Variants in PCDH19 observed in about 807,000 individuals in gnomAD.
PCDH19 encodes protocadherin-19.
In PCDH19, 6 loss-of-function variants were observed where a neutral mutation model predicts 46.2. The observed-to-expected ratio is 0.13, with a 90% CI of 0.07 to 0.26. PCDH19 has a LOEUF of 0.26. PCDH19 is among the 10% of genes least tolerant of loss of function. The pLI is 1.00. For synonymous variants in PCDH19, 481 were observed against 415.7 expected, an observed-to-expected ratio of 1.16 and a Z score of -1.91; for missense variants, 740 against 972.3, an observed-to-expected ratio of 0.76 and a Z score of 3.18.
chrX:100,314,708 C>T (rs1925241599), intron 5 of PCDH19, among the ~76,000 whole-genome samples: 1 of 111,598 alleles, frequency 9.0e-6, no homozygotes, highest in African/African-American at 3.3e-5. Flanking sequence ...CCATGAACTG[C>T]AGGTTGTCAG....
chrX:100,358,340 A>C (rs932860312), intron 3 of PCDH19, among the ~76,000 whole-genome samples: 2 of 112,081 alleles, frequency 1.8e-5, no homozygotes, highest in Admixed American at 1.9e-4. Flanking sequence ...CAGGACTATC[A>C]ATGAGAAACA....
intron 5 of PCDH19, among the ~76,000 whole-genome samples, chrX:100,335,942 C>A (rs1454773861): frequency 1.8e-5 from 2 of 111,999 alleles, no homozygotes; most frequent in Non-Finnish European, 3.8e-5. Context: ...AGGATGAAGA[C>A]ATTTTTTAAA....
At chrX:100,313,511 C>A (rs1381025114) in intron 5 of PCDH19, among the ~76,000 whole-genome samples, 1 of 111,844 alleles carries the variant, frequency 8.9e-6, no homozygotes, top group Non-Finnish European at 1.9e-5. Context: ...AAGAAAAAGC[C>A]TTCTTTGGCT....
intron 4 of PCDH19, among the ~76,000 whole-genome samples, chrX:100,349,415 C>T (rs5967121): frequency 4.5e-5 from 5 of 111,916 alleles, no homozygotes; most frequent in African/African-American, 1.6e-4. Flanking sequence ...AATACAAGGG[C>T]TACCCATTTT....
rs138336577 is a variant in PCDH19, at chrX:100,335,146, T to A, written c.2848+6757A>T. Among the ~76,000 whole-genome samples the A allele has an allele frequency of 1.1e-3, 120 of 111,278 alleles. 1 individual carries two copies. The East Asian group carries it at 0.026, about 24-fold the overall frequency. ...TTATTTTTCCAATAAAATGTAAATG[T>A]TGCCTTGGAAAAAATCCAATTATGT... is the stretch of plus-strand genomic sequence containing the variant. On this transcript the variant is annotated intron_variant, in intron 5 of 5. Transcript: ENST00000373034.
chrX:100,385,087 A>G (rs1232873184), intron 3 of PCDH19, among the ~76,000 whole-genome samples: 3 of 105,620 alleles, frequency 2.8e-5, no homozygotes, highest in African/African-American at 1.0e-4. Flanking sequence ...TGAACCTGGA[A>G]GGTGGAGGTT....
At chrX:100,371,512 G>A (rs1450004281) in intron 3 of PCDH19, among the ~76,000 whole-genome samples, 1 of 111,041 alleles carries the variant, frequency 9.0e-6, no homozygotes, top group Non-Finnish European at 1.9e-5. Context: ...TGCTTTGCTG[G>A]AGAAGAAAGT....
chrX:100,330,450 C>G (rs1308439606), intron 5 of PCDH19, among the ~76,000 whole-genome samples: 2 of 112,310 alleles, frequency 1.8e-5, no homozygotes, highest in African/African-American at 3.2e-5. Flanking sequence ...ATATCTCTGG[C>G]ATTGGACTTG....
intron 3 of PCDH19, among the ~76,000 whole-genome samples, chrX:100,381,735 C>T (rs1394138129): frequency 8.9e-6 from 1 of 112,077 alleles, no homozygotes; most frequent in African/African-American, 3.2e-5. Context: ...AACTGTCCAC[C>T]TGAAATGAAT....
At chrX:100,308,602 A>C (rs1360463940) in intron 5 of PCDH19, among the ~76,000 whole-genome samples, 2 of 111,621 alleles carry the variant, frequency 1.8e-5, no homozygotes, top group African/African-American at 6.5e-5. Flanking sequence ...ACCCACAGAG[A>C]GGGAGAAAAT....
At chrX:100,395,388 T>G (rs1928000434) in intron 3 of PCDH19, among the ~76,000 whole-genome samples, 1 of 112,250 alleles carries the variant, frequency 8.9e-6, no homozygotes, top group Non-Finnish European at 1.9e-5. Context: ...GCTGACCAGC[T>G]TTTCAGGAAC....
Position 100,406,813 on chromosome X carries a change from G to A in PCDH19, c.1785C>T (p.Tyr595=), listed in dbSNP as rs1278062790. The A allele has an allele frequency of 2.5e-6, 3 of 1,211,692 alleles. No individual in the cohort carries two copies. Among genetic ancestry groups the A allele is most frequent in the Non-Finnish European group, 3.4e-6 (3 of 895,450 alleles). ...YLVTVVKAED[Y]DEGENGRVTY... Reference sequence around the variant, plus strand: ...TGACTCGGCCATTTTCGCCCTCATCGTAGTCTTCTGCCTTGACAACAGTCA... The same window carrying A: ...TGACTCGGCCATTTTCGCCCTCATCATAGTCTTCTGCCTTGACAACAGTCA... The change falls in exon 1 of 6, where the codon TAC becomes TAT. Residue 595 remains tyrosine (Y), a synonymous_variant. Transcript: ENST00000373034.
At position 100,296,423 on chromosome X, in the gene PCDH19, C is replaced by T. The variant is rs752600623; in HGVS notation, c.3301G>A (p.Val1101Ile). Residue 1101 changes from valine to isoleucine, a missense_variant, in exon 6 of 6, where the codon GTC (valine) becomes ATC (isoleucine). Physicochemically the swap from Val to Ile is conservative, Grantham distance 29. Coordinates refer to ENST00000373034, the MANE Select transcript of PCDH19 (RefSeq NM_001184880.2). ...ARDLEQYVNN[V>I]NNGPTRPSEA... is the part of the protein sequence containing the mutation. ...GAGGGACGAGTAGGGCCATTGTTGA[C>T]ATTGTTGACATACTGCTCCAGATCA... The T allele has an allele frequency of 8.3e-7, 1 of 1,211,290 alleles. No homozygotes were observed. Among genetic ancestry groups the T allele is most frequent in the Non-Finnish European group, 1.1e-6 (1 of 895,291 alleles).
rs1190959408 is a variant in PCDH19 at position 100,407,314 on chromosome X, G to A, written c.1284C>T (p.Gly428=). 2 of 1,210,595 alleles carry A rather than the reference G, an allele frequency of 1.7e-6. No individual in the cohort carries two copies. Among genetic ancestry groups the A allele is most frequent in the Non-Finnish European group, 2.2e-6 (2 of 895,053 alleles). ...TGGCACTCTGCAGCATGGGCACGCC[G>A]CCGTCGCGTGCCTGAATTGTGAGGT... is the stretch of plus-strand genomic sequence containing the variant. The part of the protein sequence containing the change: ...QYNLTIQARD[G]GVPMLQSAKS... Residue 428 remains glycine, a synonymous_variant, in exon 1 of 6, where the codon GGC becomes GGT. Transcript: ENST00000373034.
intron 5 of PCDH19, among the ~76,000 whole-genome samples, chrX:100,327,127 G>A (rs1186773881): frequency 8.9e-6 from 1 of 111,895 alleles, no homozygotes; most frequent in Non-Finnish European, 1.9e-5. Context: ...GCAAACAGAT[G>A]AGGGGCTTTG....
chrX:100,406,062 CTG>C (rs1389161642), intron 1 of PCDH19, among the ~76,000 whole-genome samples: 9 of 110,911 alleles, frequency 8.1e-5, no homozygotes, highest in Non-Finnish European at 1.5e-4. Flanking sequence ...CCCAAAAACA[CTG>C]TGCCCCAGAC....
intron 5 of PCDH19, among the ~76,000 whole-genome samples, chrX:100,313,593 C>A (rs1165135247): frequency 3.6e-5 from 4 of 111,748 alleles, no homozygotes; most frequent in Admixed American, 9.5e-5. Flanking sequence ...TAGTGAACAG[C>A]AAATAATCTG....
chrX:100,336,771 C>A (rs187980774), intron 5 of PCDH19, among the ~76,000 whole-genome samples: 44 of 111,465 alleles, frequency 3.9e-4, no homozygotes, highest in African/African-American at 1.3e-3. Context: ...CAATTAGAGT[C>A]ATCTTTTCAT....
intron 2 of PCDH19, among the ~76,000 whole-genome samples, chrX:100,403,066 AC>A (rs899371046): frequency 8.3e-5 from 9 of 108,822 alleles, no homozygotes; most frequent in South Asian, 4.0e-4. Flanking sequence ...CCTCCCACCA[AC>A]CCCCCCTAAA....
Sources: gnomAD v4.1 joint callset for allele counts (sites outside exome capture counted in the v4.1 genomes callset) on GRCh38, gnomAD v4.1.1 for gene constraint, MANE v1.5 for transcripts, NCBI Gene and HGNC (gene_info 2026-07-23, HGNC 2026-07-21) for gene names.